Variants in CNTN4 observed in about 807,000 individuals in gnomAD.
CNTN4 encodes the protein contactin-4.
CNTN4 carries 77 observed loss-of-function variants against 122.5 expected under a neutral mutation model. The ratio of observed to expected loss-of-function variants is 0.63; its 90% confidence interval spans 0.52 to 0.76. The LOEUF (loss-of-function observed/expected upper bound fraction) is 0.76, where lower values mean the gene tolerates loss of function less well. Among genes scored for constraint, CNTN4 ranks in the 30% least tolerant of loss-of-function variants. CNTN4 has a pLI of 0.00. For missense variants in CNTN4, 1,256 were observed against 1,259.1 expected (o/e 1.00, Z 0.04); for synonymous variants, 512 against 447.0 (o/e 1.15, Z -1.83).
Position 2,841,909 on chromosome 3 carries a change from T to C in CNTN4, c.454+22328T>C, listed in dbSNP as rs2093368716. Among the ~76,000 whole-genome samples, 1 of 152,152 alleles carries C rather than the reference T, an allele frequency of 6.6e-6. No individual in the cohort carries two copies. The highest frequency in any genetic ancestry group is 1.5e-5 in the Non-Finnish European group (1 of 68,036). ...GATCAAAGGTGTTGAAAGCTGACTGTTAAAGGATTAATTAGGTCACATTGA... is the reference window on the plus strand; with the variant it reads ...GATCAAAGGTGTTGAAAGCTGACTGCTAAAGGATTAATTAGGTCACATTGA... On this transcript the variant is annotated intron_variant, in intron 7 of 24. Transcript: ENST00000418658. This position sits in a 1 kb window ranked among gnomAD's most constrained non-coding sequence, Gnocchi z 4.8.
At chr3:2,793,328 T>A (rs1332464827) in intron 6 of CNTN4, among the ~76,000 whole-genome samples, 1 of 152,072 alleles carries the variant, frequency 6.6e-6, no homozygotes, top group East Asian at 1.9e-4. Context: ...TGTAAGACCT[T>A]GTCAGATGAG....
intron 14 of CNTN4, among the ~76,000 whole-genome samples, chr3:3,004,782 C>A (rs909174972): frequency 2.6e-5 from 4 of 152,274 alleles, no homozygotes; most frequent in Middle Eastern, 3.4e-3. Flanking sequence ...GCCAAATGGC[C>A]GCATTCTGCT....
chr3:2,578,141 G>C (rs2079777827), intron 4 of CNTN4, among the ~76,000 whole-genome samples: 1 of 152,076 alleles, frequency 6.6e-6, no homozygotes, highest in Non-Finnish European at 1.5e-5. Flanking sequence ...ATCTATGATA[G>C]ACAAAAATAT....
chr3:2,238,980 C>A (rs908208120), intron 2 of CNTN4: 1 of 149,426 alleles, frequency 6.7e-6, no homozygotes, highest in African/African-American at 2.5e-5. Context: ...CCGCCTCGGC[C>A]TCCCAAAGTG....
chr3:2,872,708 T>G (rs1471839102), intron 8 of CNTN4, among the ~76,000 whole-genome samples: 1 of 152,164 alleles, frequency 6.6e-6, no homozygotes, highest in Non-Finnish European at 1.5e-5. Flanking sequence ...CTCTTTCCCT[T>G]TCTCTCCTCC....
chr3:2,328,223 G>T (rs1458784781), intron 2 of CNTN4, among the ~76,000 whole-genome samples: 2 of 152,032 alleles, frequency 1.3e-5, no homozygotes, highest in Non-Finnish European at 2.9e-5. Flanking sequence ...GGCTAACACG[G>T]TGAAACCCCG....
intron 6 of CNTN4, among the ~76,000 whole-genome samples, chr3:2,758,582 G>A (rs867389674): frequency 1.5e-5 from 2 of 137,480 alleles, no homozygotes; most frequent in Admixed American, 1.8e-4. Flanking sequence ...GCGGGATCTC[G>A]GCTCACCTCT....
intron 4 of CNTN4, among the ~76,000 whole-genome samples, chr3:2,676,884 G>C (rs1272712228): frequency 6.6e-6 from 1 of 152,182 alleles, no homozygotes; most frequent in Non-Finnish European, 1.5e-5. Context: ...ACATTCTTAA[G>C]TAGTACTTGG....
intron 3 of CNTN4, among the ~76,000 whole-genome samples, chr3:2,449,633 A>T (rs2048752304): frequency 7.2e-6 from 1 of 139,264 alleles, no homozygotes; most frequent in Admixed American, 7.2e-5. Flanking sequence ...AAAAAAAAAA[A>T]ATGCAGACTG....
At chr3:2,911,120 CT>C (rs1364454707) in intron 12 of CNTN4, among the ~76,000 whole-genome samples, 1 of 149,926 alleles carries the variant, frequency 6.7e-6, no homozygotes, top group Non-Finnish European at 1.5e-5. Flanking sequence ...GAAGTACTAC[CT>C]AAGGGAGTGG....
At chr3:2,687,675 A>G (rs1453813880) in intron 4 of CNTN4, among the ~76,000 whole-genome samples, 2 of 152,148 alleles carry the variant, frequency 1.3e-5, no homozygotes, top group African/African-American at 4.8e-5. Context: ...TAGTAAACAT[A>G]TATCTATGCC....
chr3:2,911,964 T>C (rs2094304658), intron 12 of CNTN4, among the ~76,000 whole-genome samples: 1 of 151,986 alleles, frequency 6.6e-6, no homozygotes, highest in African/African-American at 2.4e-5. Context: ...AGTGCAACAA[T>C]ATAAGTGTTA....
In CNTN4 at chr3:2,458,978, T is replaced by C. The variant is rs181941158; in HGVS notation, c.-88-112438T>C. ...CTAGCATGCTTTGCATTCCACTCTT[T>C]AGACAGATGTGTGTGAATGTAGCAT... On this transcript the variant is annotated intron_variant, in intron 3 of 24. Coordinates refer to ENST00000418658, the MANE Select transcript of CNTN4 (RefSeq NM_175607.3). Among the ~76,000 whole-genome samples, 243 of 152,282 alleles carry C rather than the reference T, an allele frequency of 1.6e-3. 1 individual carries two copies. The highest frequency in any genetic ancestry group is 5.7e-3 in the African/African-American group (237 of 41,574).
chr3:2,393,065 C>T lies in CNTN4; in HGVS notation c.-89+53832C>T, dbSNP rs574670336. Among the ~76,000 whole-genome samples, 17 of 152,264 alleles carry T rather than the reference C, an allele frequency of 1.1e-4. No homozygotes were observed. In the South Asian group the frequency reaches 3.5e-3, roughly 32 times the overall value. ...ATCCAAGTTGGCAGGTTGATTACTTCTGAGAGCTGTGAGCCACTGTTCCAT... is the reference window on the plus strand; with the variant it reads ...ATCCAAGTTGGCAGGTTGATTACTTTTGAGAGCTGTGAGCCACTGTTCCAT... On this transcript the variant is annotated intron_variant, in intron 3 of 24. Transcript: ENST00000418658.
intron 4 of CNTN4, among the ~76,000 whole-genome samples, chr3:2,685,155 A>G (rs888088482): frequency 1.3e-5 from 2 of 152,168 alleles, no homozygotes; most frequent in East Asian, 1.9e-4. Context: ...TAACCTAAAA[A>G]TGTCCACATC....
chr3:2,614,480 A>G (rs1305975073), intron 4 of CNTN4, among the ~76,000 whole-genome samples: 1 of 152,190 alleles, frequency 6.6e-6, no homozygotes, highest in Non-Finnish European at 1.5e-5. Flanking sequence ...TTGAAGTACA[A>G]TTAGGCTGTT....
At chr3:2,588,838 A>G (rs1016277494) in intron 4 of CNTN4, among the ~76,000 whole-genome samples, 1 of 150,754 alleles carries the variant, frequency 6.6e-6, no homozygotes, top group South Asian at 2.1e-4. Flanking sequence ...ATGTAATAAT[A>G]TATTCTGGCA....
chr3:2,747,123 T>TCC, intron 6 of CNTN4, among the ~76,000 whole-genome samples: 1 of 150,768 alleles, frequency 6.6e-6, no homozygotes, highest in East Asian at 1.9e-4. Flanking sequence ...GGAAATATTG[T>TCC]ATCTGGGCCA....
chr3:2,542,787 T>A (rs2078085930), intron 3 of CNTN4, among the ~76,000 whole-genome samples: 1 of 152,080 alleles, frequency 6.6e-6, no homozygotes, highest in African/African-American at 2.4e-5. Context: ...TTAGCTGTTC[T>A]GGGGAGTGAG....
Sources: allele counts gnomAD v4.1 joint callset (sites outside exome capture counted in the v4.1 genomes callset), GRCh38; gene constraint gnomAD v4.1.1; non-coding constraint Gnocchi (gnomAD v3.1); transcripts MANE v1.5; gene names NCBI Gene and HGNC (gene_info 2026-07-23, HGNC 2026-07-21).